HHIP: variants seen among roughly 807,000 people sequenced by gnomAD.
The protein encoded by HHIP is hedgehog-interacting protein.
In HHIP, 12 loss-of-function variants were observed where a neutral mutation model predicts 74.0. The observed-to-expected ratio is 0.16, with a 90% CI of 0.10 to 0.26. The LOEUF (loss-of-function observed/expected upper bound fraction) is 0.26, where lower values mean the gene tolerates loss of function less well. Ranked by LOEUF, HHIP falls within the 10% of genes least tolerant of loss-of-function variation. HHIP has a pLI of 1.00. For synonymous variants in HHIP, 309 were observed against 311.6 expected (o/e 0.99, Z 0.09); for missense variants, 788 against 845.0 (o/e 0.93, Z 0.84).
At chr4:144,731,462 C>T (rs888109985) in intron 11 of HHIP, among the ~76,000 whole-genome samples, 14 of 152,058 alleles carry the variant, frequency 9.2e-5, no homozygotes, top group African/African-American at 3.1e-4. Flanking sequence ...TCTTGTTGCC[C>T]AGGCTGGAGT....
intron 4 of HHIP, among the ~76,000 whole-genome samples, chr4:144,693,066 G>C (rs573700979): frequency 1.3e-5 from 2 of 152,250 alleles, no homozygotes; most frequent in African/African-American, 4.8e-5. Flanking sequence ...GCTGTGGAGT[G>C]AGTGAGGATA....
Position 144,712,898 on chromosome 4 carries a change from G to T in HHIP, c.1423+827G>T, listed in dbSNP as rs1308888178. Reference sequence around the variant, plus strand: ...ACTTTTTTTTCAGGTGTGTGTGTGTGTGTGTGTGTGCACGCGCATCTTTTA... The same window carrying T: ...ACTTTTTTTTCAGGTGTGTGTGTGTTTGTGTGTGTGCACGCGCATCTTTTA... On this transcript the variant is annotated intron_variant, in intron 8 of 12. Transcript: ENST00000296575. 4.0e-5 allele frequency among the ~76,000 whole-genome samples: 6 copies of T among 149,346 alleles called. No homozygotes were observed. The East Asian group carries it at 9.8e-4, about 24-fold the overall frequency.
rs922878046 is a variant in HHIP at position 144,688,100 on chromosome 4, C to T, written c.832-18431C>T. On this transcript the variant is annotated intron_variant, in intron 4 of 12. Coordinates refer to ENST00000296575, the MANE Select transcript of HHIP (RefSeq NM_022475.3). ...AACCATCCAAAACCCAGCCTGTGAACGCATTTAAAGAAATTTTGCTCTAGA... is the reference window on the plus strand; with the variant it reads ...AACCATCCAAAACCCAGCCTGTGAATGCATTTAAAGAAATTTTGCTCTAGA... Among the ~76,000 whole-genome samples the T allele has an allele frequency of 3.9e-5, 6 of 152,142 alleles. No individual in the cohort carries two copies. The East Asian group carries it at 5.8e-4, about 15-fold the overall frequency.
At chr4:144,684,158 A>T (rs1265512549) in intron 4 of HHIP, among the ~76,000 whole-genome samples, 1 of 143,544 alleles carries the variant, frequency 7.0e-6, no homozygotes, top group Non-Finnish European at 1.5e-5. Flanking sequence ...GGATCACCTG[A>T]GGTCAGGAGT....
intron 12 of HHIP, among the ~76,000 whole-genome samples, chr4:144,737,149 C>T (rs1011344932): frequency 8.5e-5 from 13 of 152,144 alleles, no homozygotes; most frequent in Non-Finnish European, 1.3e-4. Flanking sequence ...AAAAGGTTTG[C>T]TCAGAACATC....
chr4:144,685,936 C>A (rs975912412), intron 4 of HHIP, among the ~76,000 whole-genome samples: 1 of 152,132 alleles, frequency 6.6e-6, no homozygotes, highest in Non-Finnish European at 1.5e-5. Flanking sequence ...TCTGTTTGAC[C>A]TTTGTATAAA....
intron 4 of HHIP, among the ~76,000 whole-genome samples, chr4:144,691,259 C>T (rs1729654789): frequency 6.6e-6 from 1 of 152,074 alleles, no homozygotes; most frequent in African/African-American, 2.4e-5. Flanking sequence ...ATCAATATGG[C>T]CTTATATTTT....
chr4:144,708,636 TAG>T lies in HHIP; in HGVS notation c.1301+331_1301+332del, dbSNP rs574921509. Among the ~76,000 whole-genome samples the T allele has an allele frequency of 2.0e-3, 303 of 152,184 alleles. 1 individual carries two copies. The highest frequency in any genetic ancestry group is 6.8e-3 in the African/African-American group (280 of 41,418). ...GACCAAGACTTTAATCTGAACAGTT[TAG>T]AGAGATCAACTTTTTGATTTGTCTC... On this transcript the variant is annotated intron_variant, in intron 7 of 12. Transcript: ENST00000296575.
chr4:144,706,975 T>G, intron 5 of HHIP, 112 bp from the exon 6 acceptor site: 1 of 849,410 alleles, frequency 1.2e-6, no homozygotes, highest in East Asian at 2.6e-5. Context: ...ATATGTTTCC[T>G]TATTTACTAT....
chr4:144,652,464 A>T, intron 1 of HHIP, 141 bp from the exon 2 acceptor site: 1 of 614,078 alleles, frequency 1.6e-6, no homozygotes, highest in Middle Eastern at 4.5e-4. Context: ...GGCATTCTGT[A>T]TTGTGACACA....
intron 11 of HHIP, among the ~76,000 whole-genome samples, chr4:144,723,949 A>T (rs887297373): frequency 1.5e-4 from 23 of 152,182 alleles, no homozygotes; most frequent in African/African-American, 5.3e-4. Context: ...TATCTGCCTG[A>T]CTATATTTTA....
In HHIP at chr4:144,734,872, G is replaced by C. The variant is rs150080796; in HGVS notation, c.1892G>C (p.Gly631Ala). The change falls in exon 12 of 13, where the codon GGG becomes GCG. Residue 631 changes from glycine to alanine, a missense_variant. Coordinates refer to ENST00000296575, the MANE Select transcript of HHIP (RefSeq NM_022475.3). ...GKCCCSPGWE[G>A]DFCRTAKCEP... is the part of the protein sequence containing the mutation. Reference sequence around the variant, plus strand: ...TGCTGCTGCAGTCCAGGCTGGGAGGGGGACTTCTGCAGAACTGGTTAGTAT... The same window carrying C: ...TGCTGCTGCAGTCCAGGCTGGGAGGCGGACTTCTGCAGAACTGGTTAGTAT... 81 of 1,610,560 alleles carry C rather than the reference G, an allele frequency of 5.0e-5. No individual in the cohort carries two copies. Among genetic ancestry groups the C allele is most frequent in the Non-Finnish European group, 6.3e-5 (74 of 1,177,360 alleles).
intron 5 of HHIP, among the ~76,000 whole-genome samples, chr4:144,706,885 A>G (rs1209310215): frequency 6.6e-6 from 1 of 152,196 alleles, no homozygotes. Context: ...TTCCTCAATT[A>G]TCTCTCAACT....
chr4:144,647,734 G>A (rs1728306576), intron 1 of HHIP, among the ~76,000 whole-genome samples: 1 of 152,174 alleles, frequency 6.6e-6, no homozygotes, highest in Non-Finnish European at 1.5e-5. Context: ...AGGCACGCTT[G>A]TTTTTGAGTT....
Position 144,681,110 on chromosome 4 carries a change from T to C in HHIP, c.831+21272T>C, listed in dbSNP as rs116614259. Among the ~76,000 whole-genome samples the C allele has an allele frequency of 5.4e-3, 818 of 152,316 alleles. 8 individuals carry two copies. The highest frequency in any genetic ancestry group is 0.019 in the African/African-American group (798 of 41,584). ...CTTATATGTAAAATATGAAATACTG[T>C]AGTATTCAGGTCATCTTTACAAATA... On this transcript the variant is annotated intron_variant, in intron 4 of 12. Transcript: ENST00000296575.
chr4:144,727,987 C>T (rs557852947), intron 11 of HHIP, among the ~76,000 whole-genome samples: 2 of 152,282 alleles, frequency 1.3e-5, no homozygotes, highest in African/African-American at 4.8e-5. Context: ...ATCTTTTAAA[C>T]TTAAGAATTA....
At chr4:144,719,166 T>C (rs1039258734) in intron 11 of HHIP, among the ~76,000 whole-genome samples, 3 of 152,202 alleles carry the variant, frequency 2.0e-5, no homozygotes, top group Non-Finnish European at 4.4e-5. Flanking sequence ...AGCTCATTCA[T>C]GTCGTCCTTG....
intron 4 of HHIP, among the ~76,000 whole-genome samples, chr4:144,701,572 G>A (rs1436373869): frequency 6.6e-6 from 1 of 152,032 alleles, no homozygotes; most frequent in East Asian, 1.9e-4. Flanking sequence ...TCATTGAGAG[G>A]AGGAATTTAT....
intron 4 of HHIP, among the ~76,000 whole-genome samples, chr4:144,663,140 T>G (rs1728759359): frequency 6.6e-6 from 1 of 152,080 alleles, no homozygotes; most frequent in Non-Finnish European, 1.5e-5. Flanking sequence ...ACAAAAAAAA[T>G]TAGCCGGGCA....
Sources: gnomAD v4.1 joint callset for allele counts (sites outside exome capture counted in the v4.1 genomes callset) on GRCh38, gnomAD v4.1.1 for gene constraint, MANE v1.5 for transcripts, NCBI Gene and HGNC (gene_info 2026-07-23, HGNC 2026-07-21) for gene names.